Variants in GALNTL6 observed in about 807,000 individuals in gnomAD.
GALNTL6 encodes the protein polypeptide N-acetylgalactosaminyltransferase like 6, also known as polypeptide N-acetylgalactosaminyltransferase-like 6.
GALNTL6 carries 46 observed loss-of-function variants against 73.7 expected under a neutral mutation model. The observed-to-expected ratio is 0.62, with a 90% CI of 0.49 to 0.80. The LOEUF (loss-of-function observed/expected upper bound fraction) is 0.80, where lower values mean the gene tolerates loss of function less well. Among genes scored for constraint, GALNTL6 ranks in the 30% least tolerant of loss-of-function variants. The probability of loss-of-function intolerance (pLI) is 0.00; values close to 1 mark genes in which losing one functional copy is unlikely to be tolerated. For synonymous variants in GALNTL6, 259 were observed against 263.7 expected (o/e 0.98, Z 0.17); for missense variants, 604 against 755.0 (o/e 0.80, Z 2.34).
At chr4:172,774,321 C>T (rs1345771547) in intron 5 of GALNTL6, among the ~76,000 whole-genome samples, 2 of 152,172 alleles carry the variant, frequency 1.3e-5, no homozygotes, top group African/African-American at 2.4e-5. Context: ...GCTTCACTGC[C>T]TTCCAGGAGC....
chr4:173,035,890 A>G (rs1753677600), intron 12 of GALNTL6, among the ~76,000 whole-genome samples: 1 of 152,166 alleles, frequency 6.6e-6, no homozygotes, highest in Admixed American at 6.5e-5. Context: ...GTACATTCTG[A>G]TTTTTAGAAC....
chr4:172,999,882 C>G (rs1751969047), intron 10 of GALNTL6, among the ~76,000 whole-genome samples: 1 of 152,026 alleles, frequency 6.6e-6, no homozygotes, highest in Non-Finnish European at 1.5e-5. Context: ...AACTCTCCAC[C>G]TGTCTTTCTC....
chr4:172,801,289 T>C (rs1358562980), intron 5 of GALNTL6, among the ~76,000 whole-genome samples: 9 of 152,210 alleles, frequency 5.9e-5, no homozygotes, highest in African/African-American at 1.7e-4. Context: ...CCAAAATATT[T>C]TGTGTAAAAT....
At chr4:172,926,526 T>C (rs1409755667) in intron 8 of GALNTL6, among the ~76,000 whole-genome samples, 1 of 152,216 alleles carries the variant, frequency 6.6e-6, no homozygotes, top group Non-Finnish European at 1.5e-5. Flanking sequence ...ATGTAAGGCA[T>C]TGTTCCAGAC....
chr4:173,009,198 T>A lies in GALNTL6; in HGVS notation c.1392T>A (p.Asn464Lys). The A allele has an allele frequency of 6.2e-7, 1 of 1,613,678 alleles. No individual in the cohort carries two copies. Among genetic ancestry groups the A allele is most frequent in the Non-Finnish European group, 8.5e-7 (1 of 1,179,600 alleles). ...AWGEIRNVAA[N>K]LCVDSKHGAT... The stretch of plus-strand genomic sequence containing the variant: ...CACAGATCCGAAATGTGGCAGCAAA[T>A]CTCTGTGTGGACAGCAAGCATGGAG... Residue 464 changes from asparagine (N) to lysine (K), a missense_variant, in exon 11 of 13, where the codon AAT becomes AAA. By Grantham distance (94) the Asn-to-Lys change is moderately conservative (BLOSUM62 0). Around this residue, in one of 5 missense-constraint regions of GALNTL6, gnomAD observed 261 missense variants for 296.5 expected, o/e 0.88. Coordinates refer to ENST00000506823, the MANE Select transcript of GALNTL6 (RefSeq NM_001034845.3).
chr4:172,921,596 C>T (rs1747791721), intron 8 of GALNTL6, among the ~76,000 whole-genome samples: 1 of 152,002 alleles, frequency 6.6e-6, no homozygotes, highest in Non-Finnish European at 1.5e-5. Context: ...AGGAGTTCAA[C>T]ACCAGCCTAG....
At chr4:171,893,110 G>A (rs1389898107) in intron 2 of GALNTL6, among the ~76,000 whole-genome samples, 1 of 152,180 alleles carries the variant, frequency 6.6e-6, no homozygotes, top group Non-Finnish European at 1.5e-5. Flanking sequence ...GTTTATTGAT[G>A]TTGAGGTCTT....
intron 3 of GALNTL6, among the ~76,000 whole-genome samples, chr4:172,297,949 G>A (rs1739746517): frequency 6.6e-6 from 1 of 152,162 alleles, no homozygotes; most frequent in Non-Finnish European, 1.5e-5. Context: ...GGGCAGTATG[G>A]CCATTTTTAT....
intron 10 of GALNTL6, among the ~76,000 whole-genome samples, chr4:172,990,512 T>C (rs1251595046): frequency 6.6e-6 from 1 of 152,120 alleles, no homozygotes; most frequent in Non-Finnish European, 1.5e-5. Context: ...GTTCTTCCTG[T>C]TGTTGAGCCA....
chr4:172,239,282 G>T (rs1737339625), intron 3 of GALNTL6, among the ~76,000 whole-genome samples: 1 of 151,964 alleles, frequency 6.6e-6, no homozygotes, highest in African/African-American at 2.4e-5. Context: ...ATCAATTATT[G>T]GTCTATTCAT....
chr4:172,213,068 C>T (rs1419513432), intron 2 of GALNTL6, among the ~76,000 whole-genome samples: 2 of 150,524 alleles, frequency 1.3e-5, no homozygotes, highest in South Asian at 2.1e-4. Flanking sequence ...TGGCTTCTCA[C>T]GCCAGAAAAA....
At chr4:172,802,786 G>A (rs534316745) in intron 5 of GALNTL6, among the ~76,000 whole-genome samples, 12 of 117,768 alleles carry the variant, frequency 1.0e-4, no homozygotes, top group African/African-American at 2.8e-4. Flanking sequence ...GTGAGACTCC[G>A]TCTCAAAAAA....
intron 2 of GALNTL6, among the ~76,000 whole-genome samples, chr4:171,877,612 C>T (rs745368486): frequency 7.2e-5 from 11 of 151,782 alleles, no homozygotes; most frequent in Non-Finnish European, 1.5e-4. Context: ...CTCAAAATTA[C>T]CTAATGTATC....
chr4:172,845,228 A>C (rs1375417758), intron 7 of GALNTL6, among the ~76,000 whole-genome samples: 2 of 147,924 alleles, frequency 1.4e-5, no homozygotes, highest in Non-Finnish European at 3.0e-5. Flanking sequence ...AAAAAAAAAA[A>C]AAAAAAGAAA....
chr4:172,854,464 G>A (rs1579569177), intron 7 of GALNTL6, among the ~76,000 whole-genome samples: 1 of 152,164 alleles, frequency 6.6e-6, no homozygotes, highest in Admixed American at 6.5e-5. Context: ...GTGAGTTAGA[G>A]GGGAAGATGT....
intron 12 of GALNTL6, 82 bp from the exon 13 acceptor site, chr4:173,039,851 A>C: frequency 9.7e-7 from 1 of 1,026,688 alleles, no homozygotes; most frequent in South Asian, 1.6e-5. Flanking sequence ...ATAAACAGAA[A>C]TATCTTACTT....
intron 8 of GALNTL6, among the ~76,000 whole-genome samples, chr4:172,892,416 C>G (rs900656259): frequency 6.6e-6 from 1 of 152,032 alleles, no homozygotes. Context: ...TCTGTATGGG[C>G]TACTTACTTG....
chr4:172,199,768 T>C (rs1170161964), intron 2 of GALNTL6, among the ~76,000 whole-genome samples: 2 of 152,184 alleles, frequency 1.3e-5, no homozygotes, highest in Non-Finnish European at 2.9e-5. Flanking sequence ...TGTTTGTTTG[T>C]TTGCTTGCTT....
intron 5 of GALNTL6, among the ~76,000 whole-genome samples, chr4:172,439,322 A>G (rs1462557690): frequency 6.6e-6 from 1 of 151,922 alleles, no homozygotes. Flanking sequence ...ATTATTAAAC[A>G]TAGTACCTAA....
Sources: gnomAD v4.1 joint callset for allele counts (sites outside exome capture counted in the v4.1 genomes callset) on GRCh38, gnomAD v4.1.1 for gene constraint, gnomAD v4.1.1 regional missense constraint, MANE v1.5 for transcripts, NCBI Gene and HGNC (gene_info 2026-07-23, HGNC 2026-07-21) for gene names.